SMS: variants seen among roughly 807,000 people sequenced by gnomAD.
SMS encodes the protein spermine synthase.
Under a neutral mutation model 33.0 loss-of-function variants are expected in SMS, and 3 were observed. The observed-to-expected ratio is 0.09, with a 90% CI of 0.04 to 0.23. The LOEUF is 0.23. Among genes scored for constraint, SMS ranks in the 10% least tolerant of loss-of-function variants. The probability of loss-of-function intolerance (pLI) is 1.00; values close to 1 mark genes in which losing one functional copy is unlikely to be tolerated. For missense variants in SMS, 117 were observed against 288.6 expected (o/e 0.41, Z 4.31); for synonymous variants, 103 against 112.2 (o/e 0.92, Z 0.52).
chrX:21,961,418 C>T (rs1923340191), intron 1 of SMS, among the ~76,000 whole-genome samples: 1 of 110,174 alleles, frequency 9.1e-6, no homozygotes, highest in Non-Finnish European at 1.9e-5. Context: ...GATTTTGATC[C>T]AAGACTTGTG....
At chrX:21,955,495 C>T (rs1922913487) in intron 1 of SMS, among the ~76,000 whole-genome samples, 1 of 112,132 alleles carries the variant, frequency 8.9e-6, no homozygotes, top group Non-Finnish European at 1.9e-5. Context: ...TTACCTGGTC[C>T]AGATGCATTC....
chrX:21,974,890 A>G (rs1395124973), intron 4 of SMS, among the ~76,000 whole-genome samples: 1 of 106,195 alleles, frequency 9.4e-6, no homozygotes, highest in African/African-American at 3.5e-5. Context: ...TCTGGAGAAT[A>G]AAGATCAGAG....
chrX:21,988,603 T>A (rs1281968938), intron 9 of SMS, among the ~76,000 whole-genome samples: 1 of 100,776 alleles, frequency 9.9e-6, no homozygotes, highest in Admixed American at 1.2e-4. Flanking sequence ...AGGCGGAGCT[T>A]GCAGTGAGCC....
At chrX:21,954,773 TTA>T (rs995276204) in intron 1 of SMS, among the ~76,000 whole-genome samples, 1 of 112,260 alleles carries the variant, frequency 8.9e-6, no homozygotes, top group African/African-American at 3.2e-5. Context: ...CCAGACTGTT[TTA>T]TCTTTGGAAA....
At chrX:21,983,868 T>C (rs776053528) in intron 7 of SMS, among the ~76,000 whole-genome samples, 6 of 111,359 alleles carry the variant, frequency 5.4e-5, no homozygotes, top group Non-Finnish European at 1.1e-4. Context: ...AGAAAAACTT[T>C]TTAAAAATAG....
chrX:21,944,922 T>C (rs1922106521), intron 1 of SMS, among the ~76,000 whole-genome samples: 1 of 108,022 alleles, frequency 9.3e-6, no homozygotes, highest in African/African-American at 3.7e-5. Context: ...GAGGTTACGC[T>C]GAGCCCAGAT....
intron 9 of SMS, among the ~76,000 whole-genome samples, chrX:21,987,664 A>G (rs1218972848): frequency 8.9e-6 from 1 of 112,668 alleles, no homozygotes; most frequent in African/African-American, 3.2e-5. Flanking sequence ...ATAAAAGGAA[A>G]TCTCAAGCAG....
intron 7 of SMS, among the ~76,000 whole-genome samples, chrX:21,983,336 C>T (rs1395925149): frequency 9.0e-6 from 1 of 111,489 alleles, no homozygotes; most frequent in African/African-American, 3.3e-5. Flanking sequence ...CCACTGACCC[C>T]AGCCTGGCAA....
intron 1 of SMS, among the ~76,000 whole-genome samples, chrX:21,945,628 T>C (rs1922159643): frequency 1.3e-5 from 1 of 74,712 alleles, no homozygotes; most frequent in Admixed American, 1.7e-4. Flanking sequence ...TGTGCTTTGC[T>C]TCCCGTCCCC....
intron 9 of SMS, among the ~76,000 whole-genome samples, chrX:21,989,893 C>T (rs1452349643): frequency 9.0e-6 from 1 of 110,660 alleles, no homozygotes; most frequent in Non-Finnish European, 1.9e-5. Flanking sequence ...CAGGTGTGAG[C>T]CACCACACCT....
intron 1 of SMS, among the ~76,000 whole-genome samples, chrX:21,945,411 A>G (rs1035301236): frequency 5.4e-5 from 6 of 111,534 alleles, no homozygotes; most frequent in African/African-American, 2.0e-4. Context: ...CAAATTCACA[A>G]ATTCTATAAC....
chrX:21,985,090 G>A (rs1925234664), intron 8 of SMS, 54 bp from the exon 9 acceptor site: 3 of 759,769 alleles, frequency 3.9e-6, no homozygotes, highest in Non-Finnish European at 6.2e-6. Flanking sequence ...TACTTCAGAT[G>A]TTGTGGATAC....
At chrX:21,985,498 G>A (rs1310436941) in intron 9 of SMS, among the ~76,000 whole-genome samples, 2 of 111,608 alleles carry the variant, frequency 1.8e-5, no homozygotes, top group African/African-American at 6.5e-5. Flanking sequence ...TACACTTGAT[G>A]ACAAAGCTCT....
chrX:21,954,585 A>G (rs1602186817), intron 1 of SMS, among the ~76,000 whole-genome samples: 2 of 111,654 alleles, frequency 1.8e-5, no homozygotes, highest in Non-Finnish European at 3.8e-5. Flanking sequence ...TTACTTGTCC[A>G]GCACCTCCTA....
chrX:21,982,752 AAG>A (rs1418800418), intron 7 of SMS, among the ~76,000 whole-genome samples: 1 of 112,762 alleles, frequency 8.9e-6, no homozygotes, highest in Non-Finnish European at 1.9e-5. Context: ...AATTTTACAA[AAG>A]AGAACATACA....
At chrX:21,960,242 G>A (rs900722059) in intron 1 of SMS, among the ~76,000 whole-genome samples, 1 of 110,857 alleles carries the variant, frequency 9.0e-6, no homozygotes, top group Non-Finnish European at 1.9e-5. Context: ...AGAGACCTAG[G>A]AGGGAAAGGG....
At chrX:21,941,248 C>T (rs1344917644) in intron 1 of SMS, 1 of 125,954 alleles carries the variant, frequency 7.9e-6, no homozygotes, top group Non-Finnish European at 1.6e-5. Context: ...GCGGACCCCC[C>T]ATGGGACGAG....
At chrX:21,955,974 G>T (rs1455152669) in intron 1 of SMS, among the ~76,000 whole-genome samples, 3 of 112,248 alleles carry the variant, frequency 2.7e-5, no homozygotes, top group African/African-American at 9.7e-5. Context: ...TTGACAACCA[G>T]CAAGATGCTG....
At chrX:21,963,586 C>T (rs1214423867) in intron 1 of SMS, among the ~76,000 whole-genome samples, 1 of 111,708 alleles carries the variant, frequency 9.0e-6, no homozygotes, top group African/African-American at 3.3e-5. Context: ...TTAATTGTGC[C>T]AGTTAGAAAA....
Sources: gnomAD v4.1 joint callset for allele counts (sites outside exome capture counted in the v4.1 genomes callset) on GRCh38, gnomAD v4.1.1 for gene constraint, MANE v1.5 for transcripts, NCBI Gene and HGNC (gene_info 2026-07-23, HGNC 2026-07-21) for gene names.